PSMD3: variants seen among roughly 807,000 people sequenced by gnomAD.
The protein encoded by PSMD3 is 26S proteasome non-ATPase regulatory subunit 3.
A neutral mutation model predicts 62.8 loss-of-function variants in PSMD3; 5 were observed. The ratio of observed to expected loss-of-function variants is 0.08; its 90% CI spans 0.04 to 0.17. PSMD3 has a LOEUF of 0.17. Ranked by LOEUF, PSMD3 falls within the 10% of genes least tolerant of loss-of-function variation. The pLI is 1.00. For synonymous variants in PSMD3, 265 were observed against 283.9 expected (o/e 0.93, Z 0.67); for missense variants, 524 against 713.6 (o/e 0.73, Z 3.03).
At position 39,997,665 on chromosome 17, in the gene PSMD3, T is replaced by C; in HGVS notation, c.*84T>C. 2 of 1,463,094 alleles carry C rather than the reference T, an allele frequency of 1.4e-6. No individual in the cohort carries two copies. Among genetic ancestry groups the C allele is most frequent in the African/African-American group, 2.8e-5 (2 of 71,756 alleles). The allele number at this position is 1,463,094 out of a possible 1,614,324, so 90.6% of individuals were successfully genotyped here. A position where few individuals can be genotyped will look rare whatever the true frequency, so the allele number is the denominator to read the frequency against. ...CCCCTGCCCAGGGCACTGTCCCCAT[T>C]TTCCCACACACAGCTCATATGCTGC... is the stretch of plus-strand genomic sequence containing the variant. On this transcript the variant is annotated 3_prime_UTR_variant, in exon 12 of 12. Coordinates refer to ENST00000264639, the MANE Select transcript of PSMD3 (RefSeq NM_002809.4).
intron 10 of PSMD3, 65 bp from the exon 11 acceptor site, chr17:39,997,265 C>T: frequency 1.3e-6 from 2 of 1,503,370 alleles, no homozygotes; most frequent in South Asian, 2.3e-5. Context: ...GCAGGGAGTG[C>T]AGGTTGCGTG....
chr17:39,986,147 G>A (rs1980520098), intron 2 of PSMD3, among the ~76,000 whole-genome samples: 1 of 152,184 alleles, frequency 6.6e-6, no homozygotes, highest in Admixed American at 6.5e-5. Flanking sequence ...CCAGGCTGAA[G>A]CACGGTGGCA....
At chr17:39,992,996 C>T (rs1980696019) in intron 6 of PSMD3, 1 of 152,276 alleles carries the variant, frequency 6.6e-6, no homozygotes, top group Admixed American at 6.5e-5. Context: ...ACATTACTAA[C>T]TCCGTTACTC....
At position 39,995,556 on chromosome 17, in the gene PSMD3, C is replaced by T. The variant is rs779596672; in HGVS notation, c.1320+29C>T. 13 of 1,574,994 alleles carry T rather than the reference C, an allele frequency of 8.3e-6. No individual in the cohort carries two copies. The African/African-American group carries it at 1.5e-4, about 18-fold the overall frequency. ...GGGCTGGTTCAGGAACCACAGTGACCAGGTTGTCACTTTCCTGCCAATCTC... is the reference window on the plus strand; with the variant it reads ...GGGCTGGTTCAGGAACCACAGTGACTAGGTTGTCACTTTCCTGCCAATCTC... On this transcript the variant is annotated intron_variant, in intron 9 of 11. Transcript: ENST00000264639. This position sits in a 1 kb window ranked among gnomAD's most constrained non-coding sequence, Gnocchi z 4.1.
At chr17:39,981,799 C>T (rs562976626) in intron 1 of PSMD3, among the ~76,000 whole-genome samples, 44 of 152,152 alleles carry the variant, frequency 2.9e-4, no homozygotes, top group Non-Finnish European at 4.1e-4. Context: ...AGTACATACA[C>T]ACTTAAAACT....
Position 39,995,664 on chromosome 17 carries a change from T to A in PSMD3, c.1320+137T>A. The A allele has an allele frequency of 2.4e-6, 2 of 849,344 alleles. No individual in the cohort carries two copies. Among genetic ancestry groups the A allele is most frequent in the South Asian group, 3.2e-5 (2 of 62,164 alleles). 52.6% of individuals were successfully genotyped at this position (849,344 alleles called of 1,614,324 possible). A position where few individuals can be genotyped will look rare whatever the true frequency, so the allele number is the denominator to read the frequency against. ...AGTCATTTCAGGGCGTGCCCGTCATTTGCAGTGAAGCCAAGAAGTTGCCAG... is the reference window on the plus strand; with the variant it reads ...AGTCATTTCAGGGCGTGCCCGTCATATGCAGTGAAGCCAAGAAGTTGCCAG... On this transcript the variant is annotated intron_variant, in intron 9 of 11. Coordinates refer to ENST00000264639, the MANE Select transcript of PSMD3 (RefSeq NM_002809.4). This position sits in a 1 kb window ranked among gnomAD's most constrained non-coding sequence, Gnocchi z 4.1.
chr17:39,991,400 C>T (rs1189267675), intron 6 of PSMD3, among the ~76,000 whole-genome samples: 1 of 152,206 alleles, frequency 6.6e-6, no homozygotes, highest in African/African-American at 2.4e-5. Context: ...AAGTGATCCA[C>T]CCACCTCAGC....
At chr17:39,992,525 G>A (rs1199378534) in intron 6 of PSMD3, among the ~76,000 whole-genome samples, 1 of 152,222 alleles carries the variant, frequency 6.6e-6, no homozygotes, top group Non-Finnish European at 1.5e-5. Context: ...AGCGCTCTGA[G>A]GAGGGCGGTG....
At chr17:39,984,002 A>G (rs924873691) in intron 1 of PSMD3, among the ~76,000 whole-genome samples, 9 of 152,094 alleles carry the variant, frequency 5.9e-5, no homozygotes, top group Non-Finnish European at 1.3e-4. Flanking sequence ...GATCGAGACC[A>G]TCCTGGCTAA....
At position 39,986,608 on chromosome 17, in the gene PSMD3, C is replaced by G. The variant is rs1329302070; in HGVS notation, c.445C>G (p.Pro149Ala). ...MDTEADLQFR[P>A]RTGKAASTPL... is the part of the protein sequence containing the mutation. ...CACAGAGGCTGATTTACAGTTCCGT[C>G]CCCGCACGGGAAAAGCTGCGTCGAC... The change falls in exon 3 of 12, where the codon CCC (proline) becomes GCC (alanine). Residue 149 changes from proline (P) to alanine (A), a missense_variant. Around this residue, in one of 4 missense-constraint regions of PSMD3, gnomAD observed 396 missense variants for 475.8 expected, o/e 0.83. Coordinates refer to ENST00000264639, the MANE Select transcript of PSMD3 (RefSeq NM_002809.4). The G allele has an allele frequency of 2.5e-6, 4 of 1,614,172 alleles. No homozygotes were observed. In the Admixed American group the frequency reaches 5.0e-5, roughly 20 times the overall value.
At chr17:39,986,424 A>C (rs3816472) in intron 2 of PSMD3, 151 bp from the exon 3 acceptor site, 528,101 of 977,132 alleles carry the variant, frequency 0.54, 145,017 homozygotes, top group Middle Eastern at 0.69. Flanking sequence ...GAAAGACTGT[A>C]ATCTTTATTT....
At position 39,996,478 on chromosome 17, in the gene PSMD3, A is replaced by T; in HGVS notation, c.1476+140A>T. 8.2e-7 allele frequency: 1 copy of T among 1,223,072 alleles called. No homozygotes were observed. The highest frequency in any genetic ancestry group is 1.1e-6 in the Non-Finnish European group (1 of 870,662). 75.8% of individuals were successfully genotyped at this position (1,223,072 alleles called of 1,614,324 possible). A position where few individuals can be genotyped will look rare whatever the true frequency, so the allele number is the denominator to read the frequency against. On this transcript the variant is annotated intron_variant, in intron 10 of 11. Coordinates refer to ENST00000264639, the MANE Select transcript of PSMD3 (RefSeq NM_002809.4). The surrounding 1 kb of genome is among the most constrained non-coding windows in gnomAD (Gnocchi z 5.1). ...CTGTAAAATCACTGAGCTGCAGCACAGGGGGCCCAGAATGGGGAGGGGACT... is the reference window on the plus strand; with the variant it reads ...CTGTAAAATCACTGAGCTGCAGCACTGGGGGCCCAGAATGGGGAGGGGACT...
chr17:39,992,748 C>T (rs572107032), intron 6 of PSMD3, among the ~76,000 whole-genome samples: 141 of 151,006 alleles, frequency 9.3e-4, no homozygotes, highest in African/African-American at 3.2e-3. Context: ...GAAGAAAACC[C>T]CCAGCCCTGC....
intron 11 of PSMD3, 51 bp downstream of exon 11, chr17:39,997,431 A>C (rs747267368): frequency 2.5e-6 from 4 of 1,602,048 alleles, no homozygotes; most frequent in Non-Finnish European, 3.4e-6. Context: ...TTCCACACAG[A>C]AGGGGAGTCG....
rs1034244912 is a variant in PSMD3 at position 39,994,684 on chromosome 17, G to T, written c.982-270G>T. 5 of 478,966 alleles carry T rather than the reference G, an allele frequency of 1.0e-5. No individual in the cohort carries two copies. The East Asian group carries it at 1.6e-4, about 15-fold the overall frequency. The allele number at this position is 478,966 out of a possible 1,614,324, so 29.7% of individuals were successfully genotyped here. A position where few individuals can be genotyped will look rare whatever the true frequency, so the allele number is the denominator to read the frequency against. Reference sequence around the variant, plus strand: ...TTTAGAGCACTGTCATTTCAGAGCAGACTACGCGCGGGGTGGCCAGGTGAA... The same window carrying T: ...TTTAGAGCACTGTCATTTCAGAGCATACTACGCGCGGGGTGGCCAGGTGAA... On this transcript the variant is annotated intron_variant, in intron 6 of 11. Transcript: ENST00000264639.
intron 4 of PSMD3, among the ~76,000 whole-genome samples, chr17:39,989,497 T>C (rs1313288716): frequency 6.6e-6 from 1 of 152,224 alleles, no homozygotes; most frequent in Admixed American, 6.5e-5. Flanking sequence ...CAGGCTGTGC[T>C]TCTTTCTCAT....
rs1227170764 is a variant in PSMD3, at chr17:39,986,664, C to T, written c.501C>T (p.Leu167=). 6.2e-7 allele frequency: 1 copy of T among 1,614,140 alleles called. No individual in the cohort carries two copies. The highest frequency in any genetic ancestry group is 2.2e-5 in the East Asian group (1 of 44,876). Residue 167 remains leucine (L), a synonymous_variant, in exon 3 of 12, where the codon CTC becomes CTT. Coordinates refer to ENST00000264639, the MANE Select transcript of PSMD3 (RefSeq NM_002809.4). ...TPLLPEVEAY[L]QLLVVIFMMN... is the part of the protein sequence containing the mutation. The stretch of plus-strand genomic sequence containing the variant: ...TCCTGCCTGAAGTGGAAGCCTATCT[C>T]CAACTCCTCGTGGTCATCTTCATGA...
In PSMD3 at chr17:39,997,699, AGGGGGT is replaced by A; in HGVS notation, c.*126_*131del. On this transcript the variant is annotated 3_prime_UTR_variant, in exon 12 of 12. Coordinates refer to ENST00000264639, the MANE Select transcript of PSMD3 (RefSeq NM_002809.4). ...CACAGCTCATATGCTGCATTCGTGC[AGGGGGT>A]GGGGGTGCTGGGAGCCAGCCACCCT... 1 of 1,227,786 alleles carries A rather than the reference AGGGGGT, an allele frequency of 8.1e-7. No individual in the cohort carries two copies. Among genetic ancestry groups the A allele is most frequent in the Non-Finnish European group, 1.2e-6 (1 of 866,566 alleles). The allele number at this position is 1,227,786 out of a possible 1,614,324, so 76.1% of individuals were successfully genotyped here. A position where few individuals can be genotyped will look rare whatever the true frequency, so the allele number is the denominator to read the frequency against.
intron 6 of PSMD3, among the ~76,000 whole-genome samples, chr17:39,990,973 CTTTT>C (rs1474378761): frequency 6.6e-6 from 1 of 152,034 alleles, no homozygotes; most frequent in Non-Finnish European, 1.5e-5. Flanking sequence ...ATCTTTCTTT[CTTTT>C]CTTTCGTTTT....
Sources: allele counts gnomAD v4.1 joint callset (sites outside exome capture counted in the v4.1 genomes callset), GRCh38; gene constraint gnomAD v4.1.1; regional missense constraint gnomAD v4.1.1; non-coding constraint Gnocchi (gnomAD v3.1); transcripts MANE v1.5; gene names NCBI Gene and HGNC (gene_info 2026-07-23, HGNC 2026-07-21).